L3MBTL4: variants seen among roughly 807,000 people sequenced by gnomAD.
L3MBTL4 encodes L3MBTL histone methyl-lysine binding protein 4.
L3MBTL4 carries 70 observed loss-of-function variants against 84.5 expected under a neutral mutation model. The observed-to-expected ratio is 0.83, with a 90% CI of 0.68 to 1.01. The LOEUF (loss-of-function observed/expected upper bound fraction) is 1.01. L3MBTL4 is among the 50% of genes least tolerant of loss of function. The pLI, the probability that L3MBTL4 is intolerant of heterozygous loss-of-function variation, is 0.00. For missense variants in L3MBTL4, 715 were observed against 754.8 expected (o/e 0.95, Z 0.62); for synonymous variants, 274 against 259.8 (o/e 1.05, Z -0.52).
chr18:6,237,593 T>C (rs1015230492), intron 10 of L3MBTL4, among the ~76,000 whole-genome samples: 19 of 151,610 alleles, frequency 1.3e-4, no homozygotes, highest in Admixed American at 9.2e-4. Context: ...GTAGCTGGGA[T>C]TACAGGTGCC....
chr18:6,319,058 A>C (rs1422752232), intron 1 of L3MBTL4, among the ~76,000 whole-genome samples: 1 of 152,168 alleles, frequency 6.6e-6, no homozygotes, highest in African/African-American at 2.4e-5. Flanking sequence ...ACCAAGATGG[A>C]AATTTAAAAA....
At chr18:5,956,427 C>G in intron 18 of L3MBTL4, 40 bp from the exon 19 acceptor site, 1 of 1,594,696 alleles carries the variant, frequency 6.3e-7, no homozygotes, top group Non-Finnish European at 8.6e-7. Context: ...AATGTTTTGC[C>G]ACGGAAGCCT....
intron 16 of L3MBTL4, among the ~76,000 whole-genome samples, chr18:6,063,846 C>T (rs1380715313): frequency 6.6e-6 from 1 of 151,822 alleles, no homozygotes; most frequent in East Asian, 1.9e-4. Flanking sequence ...GTTGCACAGA[C>T]ACTTTTTAGT....
chr18:6,349,244 C>T (rs2143723603), intron 1 of L3MBTL4, among the ~76,000 whole-genome samples: 1 of 152,220 alleles, frequency 6.6e-6, no homozygotes, highest in South Asian at 2.1e-4. Context: ...TAATAATGTC[C>T]ACAGCAGCAT....
intron 1 of L3MBTL4, among the ~76,000 whole-genome samples, chr18:6,361,020 T>TAAAA (rs34239414): frequency 9.1e-6 from 1 of 110,032 alleles, no homozygotes; most frequent in Non-Finnish European, 2.0e-5. Context: ...TCTACCTGAT[T>TAAAA]AAAAAAAAAA....
intron 8 of L3MBTL4, among the ~76,000 whole-genome samples, chr18:6,240,999 A>T (rs1052001908): frequency 3.9e-5 from 6 of 152,240 alleles, no homozygotes; most frequent in African/African-American, 1.4e-4. Context: ...GGCTGGGTAC[A>T]TTCAAAGCCT....
intron 4 of L3MBTL4, among the ~76,000 whole-genome samples, chr18:6,292,168 AT>A (rs1413737613): frequency 1.3e-5 from 2 of 152,236 alleles, no homozygotes; most frequent in East Asian, 1.9e-4. Context: ...AAATAAAAAA[AT>A]AAATTCAACA....
intron 1 of L3MBTL4, among the ~76,000 whole-genome samples, chr18:6,363,719 G>C (rs971889464): frequency 3.9e-5 from 6 of 152,096 alleles, no homozygotes; most frequent in African/African-American, 1.4e-4. Flanking sequence ...TAAGAAACTT[G>C]CCCCAACTTA....
At chr18:6,007,514 G>A (rs2054544354) in intron 16 of L3MBTL4, among the ~76,000 whole-genome samples, 1 of 152,156 alleles carries the variant, frequency 6.6e-6, no homozygotes, top group Admixed American at 6.5e-5. Context: ...AGGAAAGAAT[G>A]TAAATCAATA....
chr18:6,267,677 C>T (rs964370722), intron 4 of L3MBTL4, among the ~76,000 whole-genome samples: 17 of 152,220 alleles, frequency 1.1e-4, no homozygotes, highest in African/African-American at 4.1e-4. Context: ...TTCCAATTGT[C>T]ATGCATTATC....
intron 16 of L3MBTL4, among the ~76,000 whole-genome samples, chr18:5,984,348 T>C (rs758867640): frequency 7.2e-5 from 11 of 152,262 alleles, no homozygotes; most frequent in Non-Finnish European, 1.3e-4. Context: ...TATTGAGCCA[T>C]ACTTTATTGT....
rs1210898007 is a variant in L3MBTL4 at position 6,130,406 on chromosome 18, G to C, written c.1199+7788C>G. On this transcript the variant is annotated intron_variant, in intron 14 of 18. Coordinates refer to ENST00000317931, the MANE Select transcript of L3MBTL4 (RefSeq NM_001330559.2). ...GAGTTGTCCTATAAGTTTCCACTAA[G>C]AGCACCCAAAAATATATTAGATTTA... Among the ~76,000 whole-genome samples the C allele has an allele frequency of 1.6e-4, 25 of 152,094 alleles. 1 individual carries two copies. Among genetic ancestry groups the C allele is most frequent in the Admixed American group, 1.6e-3 (25 of 15,266 alleles).
chr18:6,215,709 CGTT>C (rs767776191), intron 11 of L3MBTL4, 38 bp downstream of exon 11: 26 of 1,156,590 alleles, frequency 2.2e-5, no homozygotes, highest in Non-Finnish European at 2.9e-5. Context: ...TCAATACAAA[CGTT>C]GTTTAAAGGT....
intron 14 of L3MBTL4, among the ~76,000 whole-genome samples, chr18:6,111,576 G>A (rs1029746743): frequency 2.0e-5 from 3 of 152,096 alleles, no homozygotes; most frequent in Admixed American, 6.5e-5. Flanking sequence ...CTGAAAATGC[G>A]AAAGGGAGAG....
At position 6,046,659 on chromosome 18, in the gene L3MBTL4, T is replaced by C. The variant is rs2056632158; in HGVS notation, c.1444+34222A>G. The C allele has an allele frequency of 9.7e-6, 7 of 722,700 alleles. No individual in the cohort carries two copies. The South Asian group carries it at 1.1e-4, about 11-fold the overall frequency. The allele number at this position is 722,700 out of a possible 1,614,324, so 44.8% of individuals were successfully genotyped here. A position where few individuals can be genotyped will look rare whatever the true frequency, so the allele number is the denominator to read the frequency against. On this transcript the variant is annotated intron_variant, in intron 16 of 18. Coordinates refer to ENST00000317931, the MANE Select transcript of L3MBTL4 (RefSeq NM_001330559.2). ...AACTTGCACCTGAATGACTTTTAGG[T>C]AAATAACAAAACTAAGGCAGAAGTA...
At chr18:6,221,181 A>T (rs1447837623) in intron 10 of L3MBTL4, among the ~76,000 whole-genome samples, 2 of 152,198 alleles carry the variant, frequency 1.3e-5, no homozygotes, top group African/African-American at 4.8e-5. Flanking sequence ...AATTGAGCTC[A>T]TGAATCAATA....
chr18:6,396,522 T>C (rs1175298396), intron 1 of L3MBTL4: 2 of 152,262 alleles, frequency 1.3e-5, no homozygotes, highest in Non-Finnish European at 2.9e-5. Context: ...CAAGAGGGTA[T>C]GGATTTTGTG....
chr18:6,344,222 T>C (rs2097960425), intron 1 of L3MBTL4, among the ~76,000 whole-genome samples: 3 of 152,026 alleles, frequency 2.0e-5, no homozygotes, highest in African/African-American at 7.2e-5. Flanking sequence ...TTACAACAGA[T>C]AGCACAGAAA....
intron 1 of L3MBTL4, among the ~76,000 whole-genome samples, chr18:6,379,451 G>C (rs949241431): frequency 2.6e-5 from 4 of 152,136 alleles, no homozygotes; most frequent in Admixed American, 6.5e-5. Context: ...TTGGCTGTGG[G>C]TTTGTCATAC....
Sources: allele counts gnomAD v4.1 joint callset (sites outside exome capture counted in the v4.1 genomes callset), GRCh38; gene constraint gnomAD v4.1.1; transcripts MANE v1.5; gene names NCBI Gene and HGNC (gene_info 2026-07-23, HGNC 2026-07-21).